Variants in PTPA observed in about 807,000 individuals in gnomAD.
PTPA encodes the protein serine/threonine-protein phosphatase 2A activator.
PTPA carries 13 observed loss-of-function variants against 43.6 expected under a neutral mutation model. The ratio of observed to expected loss-of-function variants is 0.30; its 90% CI spans 0.19 to 0.47. The LOEUF is 0.47. Ranked by LOEUF, PTPA falls within the 20% of genes least tolerant of loss-of-function variation. PTPA has a pLI of 0.99. For missense variants in PTPA, 329 were observed against 411.9 expected (o/e 0.80, Z 1.74); for synonymous variants, 172 against 158.2 (o/e 1.09, Z -0.66).
chr9:129,124,403 C>T (rs188233163), intron 3 of PTPA, among the ~76,000 whole-genome samples: 45 of 152,328 alleles, frequency 3.0e-4, no homozygotes, highest in African/African-American at 1.1e-3. Context: ...AACATTGCTC[C>T]TCGCATATCA....
chr9:129,138,887 TCTG>T (rs1850564887), intron 8 of PTPA, among the ~76,000 whole-genome samples: 1 of 152,180 alleles, frequency 6.6e-6, no homozygotes, highest in African/African-American at 2.4e-5. Context: ...TTCCCGGAGA[TCTG>T]CTGCCCTCAG....
intron 1 of PTPA, among the ~76,000 whole-genome samples, chr9:129,115,043 A>G (rs1340288457): frequency 1.3e-5 from 2 of 152,080 alleles, no homozygotes; most frequent in African/African-American, 4.8e-5. Context: ...TCTGTCACCC[A>G]GGCTGGAGTG....
At chr9:129,144,743 A>T (rs1851180212) in intron 9 of PTPA, among the ~76,000 whole-genome samples, 1 of 149,556 alleles carries the variant, frequency 6.7e-6, no homozygotes. Flanking sequence ...TCTCAAAAAA[A>T]AAAAAAAAAA....
intron 3 of PTPA, among the ~76,000 whole-genome samples, 190 bp downstream of exon 3, chr9:129,123,328 C>T (rs368630387): frequency 1.3e-5 from 2 of 152,036 alleles, no homozygotes; most frequent in African/African-American, 2.4e-5. Context: ...AAAAATTAGC[C>T]GGGTGTGGTG....
chr9:129,143,166 G>C, intron 9 of PTPA: 2 of 615,396 alleles, frequency 3.2e-6, no homozygotes, highest in Middle Eastern at 8.4e-4. Flanking sequence ...CTGCCCTCTT[G>C]GCACTGTTCT....
chr9:129,130,565 G>A (rs373110369), intron 4 of PTPA, among the ~76,000 whole-genome samples: 2 of 152,064 alleles, frequency 1.3e-5, no homozygotes, highest in African/African-American at 4.8e-5. Context: ...GCTAATTTTT[G>A]TGTTTTTAGT....
At chr9:129,135,589 A>C (rs565999048) in intron 6 of PTPA, among the ~76,000 whole-genome samples, 1 of 152,354 alleles carries the variant, frequency 6.6e-6, no homozygotes, top group Admixed American at 6.5e-5. Flanking sequence ...GGTTCACGCC[A>C]GCTGAACCCA....
chr9:129,142,592 C>T (rs770970590), intron 9 of PTPA, 40 bp downstream of exon 9: 4 of 1,612,360 alleles, frequency 2.5e-6, no homozygotes, highest in South Asian at 2.2e-5. Context: ...CCTGCTGCCG[C>T]ACTTGGTCCT....
chr9:129,123,466 T>C lies in PTPA; in HGVS notation c.216+328T>C, dbSNP rs573683873. Among the ~76,000 whole-genome samples the C allele has an allele frequency of 3.6e-3, 519 of 145,076 alleles. 1 individual carries two copies. The highest frequency in any genetic ancestry group is 5.0e-3 in the Non-Finnish European group (340 of 67,608). ...CAGCCTGGGCGACAGAGCGAGACTC[T>C]GTCTCAAAAAAAAAAAATAGCTCCA... On this transcript the variant is annotated intron_variant, in intron 3 of 9. Transcript: ENST00000393370.
At chr9:129,126,524 G>C (rs1849592363) in intron 3 of PTPA, among the ~76,000 whole-genome samples, 4 of 152,104 alleles carry the variant, frequency 2.6e-5, no homozygotes. Flanking sequence ...TCTTATGGGG[G>C]TTAACATTTT....
At chr9:129,130,595 G>T (rs534776446) in intron 4 of PTPA, among the ~76,000 whole-genome samples, 2 of 152,184 alleles carry the variant, frequency 1.3e-5, no homozygotes, top group East Asian at 3.9e-4. Flanking sequence ...GTTTCATCAT[G>T]TTGGCCAGGC....
At chr9:129,137,520 G>A in intron 7 of PTPA, 72 bp from the exon 8 acceptor site, 1 of 1,265,446 alleles carries the variant, frequency 7.9e-7, no homozygotes, top group South Asian at 1.4e-5. Flanking sequence ...GGGGGGGTGT[G>A]ACTGCTGGGC....
intron 5 of PTPA, among the ~76,000 whole-genome samples, chr9:129,133,832 T>G (rs1343532583): frequency 6.6e-6 from 1 of 152,232 alleles, no homozygotes; most frequent in Non-Finnish European, 1.5e-5. Flanking sequence ...ACTGGCCTCC[T>G]TAGTGTTCCT....
At position 129,139,122 on chromosome 9, in the gene PTPA, C is replaced by G. The variant is rs4836640; in HGVS notation, c.786+1430C>G. Among the ~76,000 whole-genome samples the G allele has an allele frequency of 3.3e-5, 5 of 152,350 alleles. No homozygotes were observed. In the East Asian group the frequency reaches 9.7e-4, roughly 29 times the overall value. On this transcript the variant is annotated intron_variant, in intron 8 of 9. Coordinates refer to ENST00000393370, the MANE Select transcript of PTPA (RefSeq NM_178000.3). The stretch of plus-strand genomic sequence containing the variant: ...TGAGCTGTTTGGGCTCCCCCGGCGG[C>G]TGGCCAGGCCTCTGGGTCCCTGTCG...
rs535335113 is a variant in PTPA, at chr9:129,136,389, C to T, written c.561-82C>T. The T allele has an allele frequency of 6.2e-5, 90 of 1,440,252 alleles. No individual in the cohort carries two copies. The African/African-American group carries it at 1.2e-3, about 19-fold the overall frequency. The allele number at this position is 1,440,252 out of a possible 1,614,324, so 89.2% of individuals were successfully genotyped here. On this transcript the variant is annotated intron_variant, in intron 6 of 9. Transcript: ENST00000393370. ...CACTCTTCAGTGGTTATTTTGGGGT[C>T]TCCTTGTGCTCCCAGTGGCCGAAAG...
intron 9 of PTPA, among the ~76,000 whole-genome samples, chr9:129,143,882 G>A (rs372388149): frequency 4.0e-5 from 6 of 151,890 alleles, no homozygotes; most frequent in African/African-American, 1.5e-4. Flanking sequence ...CCACAGTGGG[G>A]GCTGCTGGGG....
chr9:129,130,371 G>A (rs1564192509), intron 4 of PTPA, among the ~76,000 whole-genome samples: 1 of 151,498 alleles, frequency 6.6e-6, no homozygotes, highest in African/African-American at 2.4e-5. Flanking sequence ...CCCAAGAGAC[G>A]CCCGGGCCTG....
At position 129,147,553 on chromosome 9, in the gene PTPA, T is replaced by C. The variant is rs2131642062; in HGVS notation, c.*89T>C. On this transcript the variant is annotated 3_prime_UTR_variant, in exon 10 of 10. Coordinates refer to ENST00000393370, the MANE Select transcript of PTPA (RefSeq NM_178000.3). ...GTGGCCCCTCCCCATCCCCTCCCTC[T>C]GTTCGTCCCGTTTGATGAGAGGCTG... 7.4e-7 allele frequency: 1 copy of C among 1,360,228 alleles called. No individual in the cohort carries two copies. Among genetic ancestry groups the C allele is most frequent in the South Asian group, 1.2e-5 (1 of 82,434 alleles). 84.3% of individuals were successfully genotyped at this position (1,360,228 alleles called of 1,614,324 possible).
chr9:129,125,547 T>C (rs1191986735), intron 3 of PTPA, among the ~76,000 whole-genome samples: 1 of 152,072 alleles, frequency 6.6e-6, no homozygotes. Flanking sequence ...CCGGCCCAGG[T>C]ATTGTCTTAG....
Sources: allele counts gnomAD v4.1 joint callset (sites outside exome capture counted in the v4.1 genomes callset), GRCh38; gene constraint gnomAD v4.1.1; transcripts MANE v1.5; gene names NCBI Gene and HGNC (gene_info 2026-07-23, HGNC 2026-07-21).